Variants in ADGRE5 observed in about 807,000 individuals in gnomAD.
ADGRE5 encodes CD97 molecule.
A neutral mutation model predicts 100.3 loss-of-function variants in ADGRE5; 72 were observed. That is an observed-to-expected ratio of 0.72 (90% confidence interval 0.59 to 0.87). The LOEUF is 0.87. ADGRE5 is among the 40% of genes least tolerant of loss of function. The pLI, the probability that ADGRE5 is intolerant of heterozygous loss-of-function variation, is 0.00. For synonymous variants in ADGRE5, 439 were observed against 447.8 expected, an observed-to-expected ratio of 0.98 and a Z score of 0.25; for missense variants, 959 against 1,094.7, an observed-to-expected ratio of 0.88 and a Z score of 1.75.
chr19:14,391,837 C>T (rs1014037154), intron 4 of ADGRE5, among the ~76,000 whole-genome samples: 2 of 152,106 alleles, frequency 1.3e-5, no homozygotes, highest in African/African-American at 2.4e-5. Context: ...GTGGCTCACA[C>T]CTGTAATCCC....
chr19:14,401,754 G>A lies in ADGRE5; in HGVS notation c.1177G>A (p.Asp393Asn). The change falls in exon 11 of 20, where the codon GAT becomes AAT. Residue 393 changes from aspartate (D) to asparagine (N), a missense_variant. By Grantham distance (23) the Asp-to-Asn change is conservative. Around this residue, in one of 6 missense-constraint regions of ADGRE5, gnomAD observed 246 missense variants for 242.2 expected, o/e 1.02. Transcript: ENST00000242786. The surrounding 1 kb of genome is among the most constrained non-coding windows in gnomAD (Gnocchi z 4.1). Reference protein sequence around the residue: ...LNWAVAAGAEDPGPAVAGILS... With the variant: ...LNWAVAAGAENPGPAVAGILS... The stretch of plus-strand genomic sequence containing the variant: ...TTGGGCTGTGGCAGCTGGAGCCGAG[G>A]ATCCAGGTAGCAGCGGTGGTCTGGA... The A allele has an allele frequency of 6.4e-7, 1 of 1,553,442 alleles. No individual in the cohort carries two copies. Among genetic ancestry groups the A allele is most frequent in the Non-Finnish European group, 8.7e-7 (1 of 1,150,980 alleles).
At chr19:14,399,604 G>A (rs753479381) in intron 9 of ADGRE5, among the ~76,000 whole-genome samples, 16 of 146,470 alleles carry the variant, frequency 1.1e-4, no homozygotes, top group Middle Eastern at 3.6e-3. Context: ...ATTAGCTGGC[G>A]TGGTGGTGCA....
In ADGRE5 at chr19:14,407,947, G is replaced by C. The variant is rs763494177; in HGVS notation, c.2416G>C (p.Gly806Arg). The C allele has an allele frequency of 3.1e-6, 5 of 1,614,048 alleles. No individual in the cohort carries two copies. The highest frequency in any genetic ancestry group is 1.7e-5 in the Admixed American group (1 of 60,004). The change falls in exon 19 of 20, where the codon GGG becomes CGG. Residue 806 changes from glycine (G) to arginine (R), a missense_variant. Coordinates refer to ENST00000242786, the MANE Select transcript of ADGRE5 (RefSeq NM_078481.4). ...EYRKWACLVA[G>R]GSKYSEFTST... Reference sequence around the variant, plus strand: ...CCGGAAGTGGGCCTGCCTAGTTGCTGGGGGGAGCAAGTACTCAGAATTCAC... The same window carrying C: ...CCGGAAGTGGGCCTGCCTAGTTGCTCGGGGGAGCAAGTACTCAGAATTCAC...
rs916203484 is a variant in ADGRE5, at chr19:14,406,201, C to T, written c.1822-130C>T. On this transcript the variant is annotated intron_variant, in intron 14 of 19. Coordinates refer to ENST00000242786, the MANE Select transcript of ADGRE5 (RefSeq NM_078481.4). The surrounding 1 kb of genome is among the most constrained non-coding windows in gnomAD (Gnocchi z 6.0). ...GTGGGCCCTGGGGGGAAACCTGGCCCCCGCTCCAGACCCGCCCACCCTCCG... is the reference window on the plus strand; with the variant it reads ...GTGGGCCCTGGGGGGAAACCTGGCCTCCGCTCCAGACCCGCCCACCCTCCG... The T allele has an allele frequency of 5.1e-5, 41 of 798,556 alleles. No individual in the cohort carries two copies. The highest frequency in any genetic ancestry group is 6.6e-5 in the Non-Finnish European group (34 of 518,912). The allele number at this position is 798,556 out of a possible 1,614,324, so 49.5% of individuals were successfully genotyped here.
intron 1 of ADGRE5, among the ~76,000 whole-genome samples, chr19:14,382,162 C>G (rs754991815): frequency 1.2e-4 from 18 of 152,184 alleles, no homozygotes; most frequent in Non-Finnish European, 1.9e-4. Flanking sequence ...TAACGGTTAT[C>G]AGGGTAGCTC....
At chr19:14,404,063 G>A (rs1374032034) in intron 12 of ADGRE5, among the ~76,000 whole-genome samples, 3 of 151,480 alleles carry the variant, frequency 2.0e-5, no homozygotes, top group Non-Finnish European at 4.4e-5. Context: ...TTTTTTAGTG[G>A]AGACGGGGTT....
rs557882122 is a variant in ADGRE5, at chr19:14,387,585, G to A, written c.23-865G>A. Among the ~76,000 whole-genome samples, 416 of 151,904 alleles carry A rather than the reference G, an allele frequency of 2.7e-3. 2 individuals carry two copies. The highest frequency in any genetic ancestry group is 9.6e-3 in the African/African-American group (396 of 41,448). On this transcript the variant is annotated intron_variant, in intron 1 of 19. Transcript: ENST00000242786. ...CTACTAAAAATACAAAAAATTAGCC[G>A]GGTGTGGTGGTGGACGCCTGTAGTC...
chr19:14,408,632 C>T lies in ADGRE5; in HGVS notation c.*511C>T. On this transcript the variant is annotated 3_prime_UTR_variant, in exon 20 of 20. Coordinates refer to ENST00000242786, the MANE Select transcript of ADGRE5 (RefSeq NM_078481.4). ...TGCCTGGCCGGGCAGGAGGTTCTCACTGTTGTGAAGGTTGTAGACGTTGTG... is the reference window on the plus strand; with the variant it reads ...TGCCTGGCCGGGCAGGAGGTTCTCATTGTTGTGAAGGTTGTAGACGTTGTG... The T allele has an allele frequency of 2.1e-6, 1 of 466,012 alleles. No individual in the cohort carries two copies. Among genetic ancestry groups the T allele is most frequent in the South Asian group, 4.2e-5 (1 of 24,092 alleles). The allele number at this position is 466,012 out of a possible 1,614,324, so 28.9% of individuals were successfully genotyped here.
chr19:14,406,468 C>T lies in ADGRE5; in HGVS notation c.1959C>T (p.Arg653=). 3 of 1,567,360 alleles carry T rather than the reference C, an allele frequency of 1.9e-6. No individual in the cohort carries two copies. The highest frequency in any genetic ancestry group is 2.6e-6 in the Non-Finnish European group (3 of 1,156,212). The change falls in exon 15 of 20, where the codon CGC becomes CGT. Residue 653 remains arginine (R), a synonymous_variant. Coordinates refer to ENST00000242786, the MANE Select transcript of ADGRE5 (RefSeq NM_078481.4). This position sits in a 1 kb window ranked among gnomAD's most constrained non-coding sequence, Gnocchi z 6.0. The part of the protein sequence containing the change: ...RVFQGQGLST[R]WLCLIGYGVP... ...TCCAAGGCCAGGGCCTGAGTACGCG[C>T]TGGCTCTGCCTGATCGGCTATGGCG...
Position 14,391,069 on chromosome 19 carries a change from C to T in ADGRE5, c.336C>T (p.Asn112=), listed in dbSNP as rs748844977. Residue 112 remains asparagine, a synonymous_variant, in exon 4 of 20, where the codon AAC becomes AAT. Transcript: ENST00000242786. ...GAKTFKNESE[N]TCQDVDECQQ... is the part of the protein sequence containing the mutation. ...AAACATTCAAGAATGAGAGCGAGAA[C>T]ACCTGTCAAGGTAAGAACCACCCCA... 4 of 1,614,230 alleles carry T rather than the reference C, an allele frequency of 2.5e-6. No homozygotes were observed. Among genetic ancestry groups the T allele is most frequent in the Non-Finnish European group, 2.5e-6 (3 of 1,180,052 alleles).
At chr19:14,386,203 C>A (rs1424495062) in intron 1 of ADGRE5, among the ~76,000 whole-genome samples, 1 of 151,004 alleles carries the variant, frequency 6.6e-6, no homozygotes, top group Non-Finnish European at 1.5e-5. Flanking sequence ...CATGGTGAAA[C>A]CCCTTCTCTA....
chr19:14,406,059 C>T lies in ADGRE5; in HGVS notation c.1821+120C>T, dbSNP rs986815975. ...GGCCCTGGAGGCATGAGGCCCCGCCCCTGTCCGGGATCTGGCCCCGCCCAC... is the reference window on the plus strand; with the variant it reads ...GGCCCTGGAGGCATGAGGCCCCGCCTCTGTCCGGGATCTGGCCCCGCCCAC... On this transcript the variant is annotated intron_variant, in intron 14 of 19. Coordinates refer to ENST00000242786, the MANE Select transcript of ADGRE5 (RefSeq NM_078481.4). The surrounding 1 kb of genome is among the most constrained non-coding windows in gnomAD (Gnocchi z 6.0). 5.6e-5 allele frequency: 50 copies of T among 893,582 alleles called. No homozygotes were observed. The highest frequency in any genetic ancestry group is 7.4e-5 in the Non-Finnish European group (45 of 604,084). The allele number at this position is 893,582 out of a possible 1,614,324, so 55.4% of individuals were successfully genotyped here. A position where few individuals can be genotyped will look rare whatever the true frequency, so the allele number is the denominator to read the frequency against.
chr19:14,405,827 T>A lies in ADGRE5; in HGVS notation c.1709T>A (p.Leu570Gln), dbSNP rs746727166. The A allele has an allele frequency of 6.2e-7, 1 of 1,613,760 alleles. No individual in the cohort carries two copies. The highest frequency in any genetic ancestry group is 1.3e-5 in the African/African-American group (1 of 75,062). The change falls in exon 14 of 20, where the codon CTG (leucine) becomes CAG (glutamine). Residue 570 changes from leucine to glutamine, a missense_variant. Physicochemically the swap from Leu to Gln is moderately radical, Grantham distance 113. Around this residue, in one of 6 missense-constraint regions of ADGRE5, gnomAD observed 428 missense variants for 386.2 expected, o/e 1.11. Coordinates refer to ENST00000242786, the MANE Select transcript of ADGRE5 (RefSeq NM_078481.4). ...FCLLLCILTF[L>Q]LVRPIQGSRT... Reference sequence around the variant, plus strand: ...CTGCTGCTGTGCATCCTCACTTTCCTGCTGGTGCGGCCCATCCAGGGCTCG... The same window carrying A: ...CTGCTGCTGTGCATCCTCACTTTCCAGCTGGTGCGGCCCATCCAGGGCTCG...
chr19:14,402,751 C>A lies in ADGRE5; in HGVS notation c.1338C>A (p.Asn446Lys). ...AACTCAGACGCCTCTCTGCCGTCAA[C>A]TCCATCTTTCTGAGCCACAACAACA... The part of the protein sequence containing the change: ...GVQLRRLSAV[N>K]SIFLSHNNTK... Residue 446 changes from asparagine (N) to lysine (K), a missense_variant, in exon 12 of 20, where the codon AAC (asparagine) becomes AAA (lysine). By Grantham distance (94) the Asn-to-Lys change is moderately conservative. Coordinates refer to ENST00000242786, the MANE Select transcript of ADGRE5 (RefSeq NM_078481.4). 1 of 1,614,124 alleles carries A rather than the reference C, an allele frequency of 6.2e-7. No homozygotes were observed. Among genetic ancestry groups the A allele is most frequent in the Non-Finnish European group, 8.5e-7 (1 of 1,180,030 alleles).
rs1599624554 is a variant in ADGRE5 at position 14,397,888 on chromosome 19, G to T, written c.773-1G>T. 1 of 1,051,926 alleles carries T rather than the reference G, an allele frequency of 9.5e-7. No homozygotes were observed. The highest frequency in any genetic ancestry group is 2.8e-5 in the East Asian group (1 of 36,116). The allele number at this position is 1,051,926 out of a possible 1,614,324, so 65.2% of individuals were successfully genotyped here. On this transcript the variant is annotated splice_acceptor_variant, in intron 7 of 19. Coordinates refer to ENST00000242786, the MANE Select transcript of ADGRE5 (RefSeq NM_078481.4). LOFTEE classifies it high-confidence loss of function. ...TGAGCCGCTTGTCTTGTTCCCTACA[G>T]ATATGACTTTCTCCACCTGGACCCC...
intron 13 of ADGRE5, 36 bp downstream of exon 13, chr19:14,404,598 T>C: frequency 6.3e-7 from 1 of 1,593,260 alleles, no homozygotes; most frequent in East Asian, 2.2e-5. Flanking sequence ...TGCCCACAGG[T>C]AATGAGGTCC....
At chr19:14,388,332 A>T (rs1448974476) in intron 1 of ADGRE5, 118 bp from the exon 2 acceptor site, 84 of 1,537,330 alleles carry the variant, frequency 5.5e-5, no homozygotes, top group Non-Finnish European at 7.4e-5. Flanking sequence ...ACTCTGAACG[A>T]CCGTCAGGAT....
rs775160830 is a variant in ADGRE5 at position 14,408,131 on chromosome 19, G to A, written c.*10G>A. ...AGAGTCCGGCATATGAAGGCGCATG[G>A]TTCTGGACGGCCCAGCAGCTCCTGT... On this transcript the variant is annotated 3_prime_UTR_variant, in exon 20 of 20. Coordinates refer to ENST00000242786, the MANE Select transcript of ADGRE5 (RefSeq NM_078481.4). 65 of 1,612,560 alleles carry A rather than the reference G, an allele frequency of 4.0e-5. No individual in the cohort carries two copies. The South Asian group carries it at 6.8e-4, about 17-fold the overall frequency.
At chr19:14,385,299 A>G (rs994525398) in intron 1 of ADGRE5, among the ~76,000 whole-genome samples, 5 of 151,538 alleles carry the variant, frequency 3.3e-5, no homozygotes, top group Non-Finnish European at 5.9e-5. Context: ...GGCGTGAACC[A>G]CCAAGCACAG....
Sources: allele counts gnomAD v4.1 joint callset (sites outside exome capture counted in the v4.1 genomes callset), GRCh38; gene constraint gnomAD v4.1.1; regional missense constraint gnomAD v4.1.1; non-coding constraint Gnocchi (gnomAD v3.1); transcripts MANE v1.5; gene names NCBI Gene and HGNC (gene_info 2026-07-23, HGNC 2026-07-21).